The following CNTN4 variants were observed in gnomAD, a reference collection of about 807,000 sequenced individuals.
CNTN4 encodes contactin-4.
A neutral mutation model predicts 122.5 loss-of-function variants in CNTN4; 77 were observed. The ratio of observed to expected loss-of-function variants is 0.63; its 90% CI spans 0.52 to 0.76. The LOEUF (loss-of-function observed/expected upper bound fraction) is 0.76, where lower values mean the gene tolerates loss of function less well. Among genes scored for constraint, CNTN4 ranks in the 30% least tolerant of loss-of-function variants. CNTN4 has a pLI of 0.00. For missense variants in CNTN4, 1,256 were observed against 1,259.1 expected, an observed-to-expected ratio of 1.00 and a Z score of 0.04; for synonymous variants, 512 against 447.0, an observed-to-expected ratio of 1.15 and a Z score of -1.83.
At chr3:2,750,092 A>C (rs1188535902) in intron 6 of CNTN4, among the ~76,000 whole-genome samples, 1 of 152,218 alleles carries the variant, frequency 6.6e-6, no homozygotes, top group African/African-American at 2.4e-5. Context: ...TCTTTTTAAA[A>C]ATGAAATTGA....
At chr3:2,887,297 G>A (rs2093989742) in intron 10 of CNTN4, 73 bp downstream of exon 10, 1 of 1,385,030 alleles carries the variant, frequency 7.2e-7, no homozygotes, top group Admixed American at 1.7e-5. Flanking sequence ...AAGCTGAGAG[G>A]CATTCAGGCA....
intron 3 of CNTN4, among the ~76,000 whole-genome samples, chr3:2,483,035 A>C (rs563498866): frequency 6.8e-6 from 1 of 146,976 alleles, no homozygotes; most frequent in South Asian, 2.1e-4. Flanking sequence ...TACAGCTTGT[A>C]CTGTGCACCT....
In CNTN4 at chr3:2,663,095, C is replaced by A. The variant is rs184103859; in HGVS notation, c.56-73120C>A. On this transcript the variant is annotated intron_variant, in intron 4 of 24. Coordinates refer to ENST00000418658, the MANE Select transcript of CNTN4 (RefSeq NM_175607.3). ...CCATCCTGGGCAACAGAGTGAGACT[C>A]TGTCTCAGAAGAAAAAAAAAAGAAA... 1.8e-3 allele frequency among the ~76,000 whole-genome samples: 255 copies of A among 139,986 alleles called. 2 individuals carry two copies. Among genetic ancestry groups the A allele is most frequent in the Non-Finnish European group, 7.8e-4 (51 of 65,402 alleles). 91.8% of individuals were successfully genotyped at this position (139,986 alleles called of 152,430 possible).
chr3:2,321,010 C>G lies in CNTN4; in HGVS notation c.-144-18168C>G, dbSNP rs140583774. Among the ~76,000 whole-genome samples the G allele has an allele frequency of 7.2e-5, 11 of 152,078 alleles. No individual in the cohort carries two copies. The East Asian group carries it at 2.1e-3, about 29-fold the overall frequency. ...ACCATTAGGATCTCATGGGAGAGTTCAAAGAGAAATGATAGATTATTTCAG... is the reference window on the plus strand; with the variant it reads ...ACCATTAGGATCTCATGGGAGAGTTGAAAGAGAAATGATAGATTATTTCAG... On this transcript the variant is annotated intron_variant, in intron 2 of 24. Transcript: ENST00000418658.
chr3:2,431,558 A>C (rs2048070592), intron 3 of CNTN4, among the ~76,000 whole-genome samples: 1 of 152,274 alleles, frequency 6.6e-6, no homozygotes, highest in East Asian at 1.9e-4. Context: ...TTAAAGAAGA[A>C]ATTCCGTGGA....
intron 13 of CNTN4, among the ~76,000 whole-genome samples, chr3:2,967,502 A>C (rs940582868): frequency 1.3e-5 from 2 of 152,154 alleles, no homozygotes; most frequent in African/African-American, 2.4e-5. Flanking sequence ...TCTTATGGGA[A>C]AGGGCTGTTA....
intron 4 of CNTN4, among the ~76,000 whole-genome samples, chr3:2,599,440 T>C (rs527510307): frequency 6.6e-6 from 1 of 152,316 alleles, no homozygotes; most frequent in Non-Finnish European, 1.5e-5. Context: ...TGTGTGGACC[T>C]TTTATTCTGA....
chr3:2,357,956 A>G (rs1341942490), intron 3 of CNTN4, among the ~76,000 whole-genome samples: 1 of 152,146 alleles, frequency 6.6e-6, no homozygotes, highest in African/African-American at 2.4e-5. Context: ...AACTCCAGCT[A>G]CTGTCTTTTA....
At chr3:2,997,415 G>C (rs1183884752) in intron 14 of CNTN4, among the ~76,000 whole-genome samples, 2 of 152,154 alleles carry the variant, frequency 1.3e-5, no homozygotes, top group Non-Finnish European at 2.9e-5. Flanking sequence ...GGGAAAGCTT[G>C]GTTTCTTATA....
At chr3:2,243,416 G>C (rs1322882729) in intron 2 of CNTN4, among the ~76,000 whole-genome samples, 1 of 152,090 alleles carries the variant, frequency 6.6e-6, no homozygotes, top group Non-Finnish European at 1.5e-5. Context: ...CTGTATTAAA[G>C]GATTAAAGCA....
chr3:2,303,230 C>A (rs1192488367), intron 2 of CNTN4, among the ~76,000 whole-genome samples: 2 of 151,980 alleles, frequency 1.3e-5, no homozygotes, highest in African/African-American at 4.8e-5. Flanking sequence ...AATTTATATA[C>A]CATATAGTTT....
rs1269940246 is a variant in CNTN4 at position 2,270,051 on chromosome 3, G to A, written c.-144-69127G>A. Reference sequence around the variant, plus strand: ...TGCAAGCTCCGCTTCCCGGGTTCACGCCATTCTCCTGCCTCAGCCTCCCCA... The same window carrying A: ...TGCAAGCTCCGCTTCCCGGGTTCACACCATTCTCCTGCCTCAGCCTCCCCA... On this transcript the variant is annotated intron_variant, in intron 2 of 24. Coordinates refer to ENST00000418658, the MANE Select transcript of CNTN4 (RefSeq NM_175607.3). Among the ~76,000 whole-genome samples the A allele has an allele frequency of 8.3e-5, 8 of 96,196 alleles. 3 individuals are homozygous for A. Among genetic ancestry groups the A allele is most frequent in the Non-Finnish European group, 1.2e-4 (5 of 42,604 alleles). 63.1% of individuals were successfully genotyped at this position (96,196 alleles called of 152,430 possible). A position where few individuals can be genotyped will look rare whatever the true frequency, so the allele number is the denominator to read the frequency against.
chr3:2,338,827 TC>T (rs2044065880), intron 2 of CNTN4, among the ~76,000 whole-genome samples: 1 of 152,134 alleles, frequency 6.6e-6, no homozygotes, highest in African/African-American at 2.4e-5. Context: ...TATTTTAAAA[TC>T]CTTTTAATGT....
chr3:2,575,809 C>CTTTTTTTTTTTTTTTTTTTTTTTTTTTTT (rs56303805), intron 4 of CNTN4, among the ~76,000 whole-genome samples: 1 of 101,250 alleles, frequency 9.9e-6, no homozygotes, highest in Admixed American at 1.2e-4. Flanking sequence ...TCTTCTTCTT[C>CTTTTTTTTTTTTTTTTTTTTTTTTTTTTT]TTTTTTTTTT....
At chr3:2,494,144 T>C (rs1298282215) in intron 3 of CNTN4, among the ~76,000 whole-genome samples, 1 of 152,076 alleles carries the variant, frequency 6.6e-6, no homozygotes, top group Non-Finnish European at 1.5e-5. Context: ...CTCTGTAAAA[T>C]ATTGGAAAGG....
intron 2 of CNTN4, among the ~76,000 whole-genome samples, chr3:2,142,880 G>T (rs2727921): frequency 0.29 from 43,620 of 152,104 alleles, 7,056 homozygotes; most frequent in South Asian, 0.48. Context: ...AACTTTCAAA[G>T]ATTGTAAATA....
At chr3:2,486,227 A>G (rs762719252) in intron 3 of CNTN4, among the ~76,000 whole-genome samples, 10 of 152,138 alleles carry the variant, frequency 6.6e-5, no homozygotes, top group Non-Finnish European at 1.0e-4. Flanking sequence ...AGAAACTCGG[A>G]ACACAGCTGA....
intron 5 of CNTN4, among the ~76,000 whole-genome samples, chr3:2,743,139 A>G (rs541742887): frequency 1.3e-5 from 2 of 152,174 alleles, no homozygotes; most frequent in East Asian, 3.9e-4. Context: ...CCCCACTCCT[A>G]AATTCCACAC....
At chr3:2,535,770 G>A (rs1483494318) in intron 3 of CNTN4, among the ~76,000 whole-genome samples, 1 of 152,248 alleles carries the variant, frequency 6.6e-6, no homozygotes, top group South Asian at 2.1e-4. Flanking sequence ...TTAACAAGAA[G>A]AGAAAACCTT....
Sources: allele counts gnomAD v4.1 joint callset (sites outside exome capture counted in the v4.1 genomes callset), GRCh38; gene constraint gnomAD v4.1.1; transcripts MANE v1.5; gene names NCBI Gene and HGNC (gene_info 2026-07-23, HGNC 2026-07-21).